The following GLIS3 variants were observed in gnomAD, a reference collection of about 807,000 sequenced individuals.
The protein encoded by GLIS3 is zinc finger protein GLIS3.
In GLIS3, 53 loss-of-function variants were observed where a neutral mutation model predicts 78.6. The ratio of observed to expected loss-of-function variants is 0.67; its 90% CI spans 0.54 to 0.85. The LOEUF (loss-of-function observed/expected upper bound fraction) is 0.85. Ranked by LOEUF, GLIS3 falls within the 40% of genes least tolerant of loss-of-function variation. The pLI, the probability that GLIS3 is intolerant of heterozygous loss-of-function variation, is 0.00. For synonymous variants in GLIS3, 684 were observed against 509.9 expected (o/e 1.34, Z -4.60); for missense variants, 1,703 against 1,231.1 (o/e 1.38, Z -5.74).
In GLIS3 at chr9:4,121,190, C is replaced by G. The variant is rs1388232880; in HGVS notation, c.597-2309G>C. On this transcript the variant is annotated intron_variant, in intron 3 of 10. Coordinates refer to ENST00000381971, the MANE Select transcript of GLIS3 (RefSeq NM_001042413.2). ...AGCCAGTCTTCCTCCTGTGTGATTACTCAGATCTTTTAATCTTTCAAAGCT... is the reference window on the plus strand; with the variant it reads ...AGCCAGTCTTCCTCCTGTGTGATTAGTCAGATCTTTTAATCTTTCAAAGCT... Among the ~76,000 whole-genome samples, 4 of 152,344 alleles carry G rather than the reference C, an allele frequency of 2.6e-5. No individual in the cohort carries two copies. The East Asian group carries it at 7.7e-4, about 29-fold the overall frequency.
chr9:4,286,463 T>A lies in GLIS3; in HGVS notation c.-38A>T, dbSNP rs564039063. 1 of 1,611,174 alleles carries A rather than the reference T, an allele frequency of 6.2e-7. No homozygotes were observed. The highest frequency in any genetic ancestry group is 8.5e-7 in the Non-Finnish European group (1 of 1,179,514). ...GTGGCCAAGACGGTCAAATATCCAA[T>A]GTCACTAATGACTCCTTTCAGGCAA... is the stretch of plus-strand genomic sequence containing the variant. On this transcript the variant is annotated 5_prime_UTR_variant, in exon 2 of 11. Coordinates refer to ENST00000381971, the MANE Select transcript of GLIS3 (RefSeq NM_001042413.2).
At chr9:4,380,435 T>A in the GLIS3 span, among the ~76,000 whole-genome samples, 2 of 152,286 alleles carry the variant, frequency 1.3e-5, no homozygotes, top group East Asian at 3.9e-4. Flanking sequence ...CAGAGTATTG[T>A]TAACAACAAA....
intron 4 of GLIS3, among the ~76,000 whole-genome samples, chr9:4,022,583 C>G (rs1412911039): frequency 6.6e-6 from 1 of 152,070 alleles, no homozygotes; most frequent in African/African-American, 2.4e-5. Flanking sequence ...GTAATTTGCC[C>G]CAGAGAAATG....
chr9:4,184,925 A>T (rs1169094441), intron 2 of GLIS3, among the ~76,000 whole-genome samples: 1 of 152,228 alleles, frequency 6.6e-6, no homozygotes, highest in East Asian at 1.9e-4. Context: ...GCTGACATAA[A>T]AAGACAGTCA....
the GLIS3 span, among the ~76,000 whole-genome samples, chr9:4,414,359 G>A: frequency 1.3e-5 from 2 of 152,190 alleles, no homozygotes; most frequent in Non-Finnish European, 2.9e-5. Context: ...CTCAATGTGA[G>A]TATGCAGAAC....
chr9:4,281,451 C>G (rs913913084), intron 2 of GLIS3, among the ~76,000 whole-genome samples: 2 of 152,182 alleles, frequency 1.3e-5, no homozygotes, highest in Non-Finnish European at 2.9e-5. Context: ...GCCCCCTTCT[C>G]CCCAACTCCC....
intron 2 of GLIS3, among the ~76,000 whole-genome samples, chr9:4,343,332 C>T (rs987803909): frequency 2.0e-5 from 3 of 152,090 alleles, no homozygotes; most frequent in African/African-American, 7.2e-5. Flanking sequence ...ACAGAGCTAG[C>T]ACCTGTCTCA....
intron 5 of GLIS3, among the ~76,000 whole-genome samples, chr9:3,935,113 A>T (rs1355364745): frequency 2.6e-5 from 4 of 152,218 alleles, no homozygotes; most frequent in Non-Finnish European, 4.4e-5. Context: ...CAAAATTCTG[A>T]CAGTATTATA....
At chr9:4,073,437 T>C (rs548273976) in intron 4 of GLIS3, among the ~76,000 whole-genome samples, 2 of 152,322 alleles carry the variant, frequency 1.3e-5, no homozygotes, top group South Asian at 2.1e-4. Flanking sequence ...AAAGCATTCA[T>C]GGGCTCCCAC....
chr9:4,299,491 C>CAGCG lies in GLIS3; in HGVS notation c.-173_-170dup, dbSNP rs920995163. 5.9e-5 allele frequency: 9 copies of CAGCG among 152,644 alleles called. No homozygotes were observed. The highest frequency in any genetic ancestry group is 3.4e-3 in the Middle Eastern group (1 of 296). The allele number at this position is 152,644 out of a possible 1,614,324, so 9.5% of individuals were successfully genotyped here. ...TCCCCCGGCCGGCCAGCGCGAGTGACAGCGGGCGGCCGGCGCTGGCGAGGA... is the reference window on the plus strand; with the variant it reads ...TCCCCCGGCCGGCCAGCGCGAGTGACAGCGAGCGGGCGGCCGGCGCTGGCGAGGA... On this transcript the variant is annotated 5_prime_UTR_variant, in exon 1 of 11. Coordinates refer to ENST00000381971, the MANE Select transcript of GLIS3 (RefSeq NM_001042413.2).
chr9:4,183,486 C>A (rs1447530320), intron 2 of GLIS3, among the ~76,000 whole-genome samples: 1 of 152,156 alleles, frequency 6.6e-6, no homozygotes, highest in Non-Finnish European at 1.5e-5. Flanking sequence ...CATAGTCCAG[C>A]ACACTATACT....
chr9:4,114,537 G>A (rs1395984595), intron 4 of GLIS3, among the ~76,000 whole-genome samples: 1 of 152,162 alleles, frequency 6.6e-6, no homozygotes, highest in Non-Finnish European at 1.5e-5. Flanking sequence ...ATAATTCTGA[G>A]ATTTACCAAG....
the GLIS3 span, among the ~76,000 whole-genome samples, chr9:4,490,065 G>T: frequency 4.7e-4 from 72 of 152,344 alleles, 2 homozygotes; most frequent in African/African-American, 1.7e-3. Context: ...GACTTGAAAG[G>T]GCACCCGTTC....
At chr9:4,372,049 T>C in the GLIS3 span, among the ~76,000 whole-genome samples, 1 of 152,190 alleles carries the variant, frequency 6.6e-6, no homozygotes, top group African/African-American at 2.4e-5. Context: ...TCCTCTCCTG[T>C]GGGATCCCTG....
At chr9:3,987,027 A>T (rs1588393044) in intron 4 of GLIS3, among the ~76,000 whole-genome samples, 1 of 152,240 alleles carries the variant, frequency 6.6e-6, no homozygotes, top group East Asian at 1.9e-4. Context: ...ATGATCTGAA[A>T]AGGATTTTAA....
At chr9:3,906,122 G>A (rs1823681955) in intron 6 of GLIS3, among the ~76,000 whole-genome samples, 1 of 152,204 alleles carries the variant, frequency 6.6e-6, no homozygotes, top group South Asian at 2.1e-4. Flanking sequence ...TGCAGGGCTG[G>A]ACAAATTGCC....
At chr9:4,046,367 T>A (rs1249685528) in intron 4 of GLIS3, among the ~76,000 whole-genome samples, 1 of 152,090 alleles carries the variant, frequency 6.6e-6, no homozygotes, top group East Asian at 1.9e-4. Flanking sequence ...TGGTACAGTA[T>A]GGATCCAAAG....
intron 2 of GLIS3, among the ~76,000 whole-genome samples, chr9:4,242,627 T>C (rs1049894337): frequency 6.6e-5 from 10 of 152,174 alleles, no homozygotes; most frequent in Non-Finnish European, 1.5e-4. Context: ...CCTGTCCTCA[T>C]CATGGGACAT....
intron 4 of GLIS3, among the ~76,000 whole-genome samples, chr9:3,973,272 C>G (rs761648385): frequency 2.0e-5 from 3 of 152,048 alleles, no homozygotes; most frequent in Non-Finnish European, 4.4e-5. Flanking sequence ...GCTTTGGTGT[C>G]TAGAGTTTTT....
Sources: allele counts gnomAD v4.1 joint callset (sites outside exome capture counted in the v4.1 genomes callset), GRCh38; gene constraint gnomAD v4.1.1; transcripts MANE v1.5; gene names NCBI Gene and HGNC (gene_info 2026-07-23, HGNC 2026-07-21).